Variants in SIPA1L1 observed in about 807,000 individuals in gnomAD.
SIPA1L1 encodes the protein signal-induced proliferation-associated 1-like protein 1.
A neutral mutation model predicts 162.7 loss-of-function variants in SIPA1L1; 26 were observed. The observed-to-expected ratio is 0.16, with a 90% CI of 0.12 to 0.22. SIPA1L1 has a LOEUF of 0.22. Ranked by LOEUF, SIPA1L1 falls within the 10% of genes least tolerant of loss-of-function variation. The pLI, the probability that SIPA1L1 is intolerant of heterozygous loss-of-function variation, is 1.00. For synonymous variants in SIPA1L1, 829 were observed against 837.4 expected (o/e 0.99, Z 0.17); for missense variants, 1,874 against 2,241.0 (o/e 0.84, Z 3.31).
intron 2 of SIPA1L1, among the ~76,000 whole-genome samples, chr14:71,503,641 A>G (rs2050423361): frequency 6.6e-6 from 1 of 152,170 alleles, no homozygotes; most frequent in Non-Finnish European, 1.5e-5. Context: ...TAAAACACCA[A>G]AAAAATCGTC....
At chr14:71,591,095 A>G (rs2035328673) in intron 5 of SIPA1L1, among the ~76,000 whole-genome samples, 1 of 152,144 alleles carries the variant, frequency 6.6e-6, no homozygotes, top group Non-Finnish European at 1.5e-5. Flanking sequence ...TGACACTGAA[A>G]CATATTAGTT....
At chr14:71,469,734 C>T (rs2047302540) in intron 2 of SIPA1L1, among the ~76,000 whole-genome samples, 1 of 152,184 alleles carries the variant, frequency 6.6e-6, no homozygotes, top group African/African-American at 2.4e-5. Flanking sequence ...CTGTATACCT[C>T]ATAGGGCAGT....
intron 13 of SIPA1L1, among the ~76,000 whole-genome samples, chr14:71,691,886 C>T (rs1414267915): frequency 6.6e-6 from 1 of 152,212 alleles, no homozygotes; most frequent in East Asian, 1.9e-4. Context: ...CTTCTTCACT[C>T]ACAAAATTTA....
intron 2 of SIPA1L1, among the ~76,000 whole-genome samples, chr14:71,414,971 C>T (rs575420870): frequency 6.6e-6 from 1 of 152,324 alleles, no homozygotes; most frequent in East Asian, 1.9e-4. Context: ...AAAATACTGT[C>T]ATATGTTAAA....
chr14:71,577,765 T>C (rs1167201969), intron 4 of SIPA1L1, among the ~76,000 whole-genome samples: 2 of 132,038 alleles, frequency 1.5e-5, no homozygotes, highest in Non-Finnish European at 3.1e-5. Context: ...ACGGTCTTGC[T>C]CTGTCACCCA....
chr14:71,666,940 G>C (rs1460956603), intron 10 of SIPA1L1, among the ~76,000 whole-genome samples: 2 of 151,184 alleles, frequency 1.3e-5, no homozygotes, highest in African/African-American at 4.9e-5. Flanking sequence ...TAGGTCAAGT[G>C]ATAGAAATTT....
Position 71,671,429 on chromosome 14 carries a change from A to C in SIPA1L1, c.2566A>C (p.Met856Leu). ...ATATCCAGGAGCCGAGCTCAGCAGC[A>C]TGGGGGCCATTGTATGGGCAGTCCG... ...KPYPGAELSSMGAIVWAVRAE... is the reference protein window; with the variant it reads ...KPYPGAELSSLGAIVWAVRAE... Residue 856 changes from methionine (M) to leucine (L), a missense_variant, in exon 11 of 24, where the codon ATG becomes CTG. Physicochemically the swap from Met to Leu is conservative, Grantham distance 15. Transcript: ENST00000381232. 1 of 1,614,210 alleles carries C rather than the reference A, an allele frequency of 6.2e-7. No individual in the cohort carries two copies.
chr14:71,623,691 C>G (rs548439793), intron 6 of SIPA1L1, among the ~76,000 whole-genome samples: 12 of 152,300 alleles, frequency 7.9e-5, no homozygotes, highest in African/African-American at 2.9e-4. Flanking sequence ...CTCTGGGGTT[C>G]TGCCTTCTTA....
At chr14:71,624,595 G>A (rs2039784726) in intron 7 of SIPA1L1, among the ~76,000 whole-genome samples, 1 of 152,084 alleles carries the variant, frequency 6.6e-6, no homozygotes, top group African/African-American at 2.4e-5. Flanking sequence ...ATAATAATGA[G>A]CATATTTGCA....
intron 17 of SIPA1L1, among the ~76,000 whole-genome samples, chr14:71,721,226 C>T (rs1227984264): frequency 6.6e-6 from 1 of 152,212 alleles, no homozygotes; most frequent in Non-Finnish European, 1.5e-5. Flanking sequence ...CTTTGATGGG[C>T]TTGGACAGGA....
intron 2 of SIPA1L1, chr14:71,400,738 T>C (rs2041607802): frequency 6.6e-6 from 1 of 152,162 alleles, no homozygotes; most frequent in African/African-American, 2.4e-5. Flanking sequence ...GGATAAGGAA[T>C]AATATAATGC....
At chr14:71,402,479 G>A (rs2041742722) in intron 2 of SIPA1L1, among the ~76,000 whole-genome samples, 1 of 151,918 alleles carries the variant, frequency 6.6e-6, no homozygotes, top group South Asian at 2.1e-4. Flanking sequence ...CTCCTGAGTA[G>A]GTGGGATTAC....
intron 2 of SIPA1L1, among the ~76,000 whole-genome samples, chr14:71,490,308 T>C (rs2142998770): frequency 6.6e-6 from 1 of 152,328 alleles, no homozygotes; most frequent in Non-Finnish European, 1.5e-5. Flanking sequence ...GGCACCACTT[T>C]TCTTGTAGTC....
At chr14:71,362,023 C>T (rs1231842986) in intron 2 of SIPA1L1, among the ~76,000 whole-genome samples, 1 of 152,202 alleles carries the variant, frequency 6.6e-6, no homozygotes, top group Non-Finnish European at 1.5e-5. Context: ...ATACTCCATT[C>T]TGGTGGAGTC....
chr14:71,669,943 ACC>A (rs2044357892), intron 10 of SIPA1L1, among the ~76,000 whole-genome samples: 1 of 152,130 alleles, frequency 6.6e-6, no homozygotes, highest in Non-Finnish European at 1.5e-5. Flanking sequence ...CTTAAAGCAA[ACC>A]CTTCCTAAAG....
At chr14:71,544,544 T>C (rs1415095951) in intron 4 of SIPA1L1, among the ~76,000 whole-genome samples, 2 of 152,174 alleles carry the variant, frequency 1.3e-5, no homozygotes, top group Admixed American at 1.3e-4. Flanking sequence ...GCTTAGCCAA[T>C]ATTGGGAAGA....
chr14:71,599,147 C>CTTTTTTTTTTTTTTTTTTTTTTTTTTTTT (rs35037397), intron 5 of SIPA1L1, among the ~76,000 whole-genome samples: 1 of 106,200 alleles, frequency 9.4e-6, no homozygotes, highest in Non-Finnish European at 1.8e-5. Context: ...TGATTTCATT[C>CTTTTTTTTTTTTTTTTTTTTTTTTTTTTT]TTTTTTTTTT....
At chr14:71,704,430 A>G (rs1375830995) in intron 15 of SIPA1L1, among the ~76,000 whole-genome samples, 2 of 152,146 alleles carry the variant, frequency 1.3e-5, no homozygotes, top group Non-Finnish European at 2.9e-5. Context: ...TGGAGACAGG[A>G]GTTTAGCCTA....
rs1160489416 is a variant in SIPA1L1 at position 71,533,438 on chromosome 14, T to TC, written c.-303+4069dup. ...AAAAAGGACAAGCAGATTTATTCAT[T>TC]CAGCAGCAAAAAGGCCAAATTTTCA... On this transcript the variant is annotated intron_variant, in intron 4 of 23. Coordinates refer to ENST00000381232, the MANE Select transcript of SIPA1L1 (RefSeq NM_001386936.1). Among the ~76,000 whole-genome samples, 3 of 152,216 alleles carry TC rather than the reference T, an allele frequency of 2.0e-5. 1 individual carries two copies. Among genetic ancestry groups the TC allele is most frequent in the Non-Finnish European group, 4.4e-5 (3 of 68,036 alleles).
Sources: gnomAD v4.1 joint callset for allele counts (sites outside exome capture counted in the v4.1 genomes callset) on GRCh38, gnomAD v4.1.1 for gene constraint, MANE v1.5 for transcripts, NCBI Gene and HGNC (gene_info 2026-07-23, HGNC 2026-07-21) for gene names.